DOCK10: variants seen among roughly 807,000 people sequenced by gnomAD.
The protein encoded by DOCK10 is dedicator of cytokinesis 10.
A neutral mutation model predicts 280.1 loss-of-function variants in DOCK10; 145 were observed. The ratio of observed to expected loss-of-function variants is 0.52; its 90% CI spans 0.45 to 0.59. The LOEUF is 0.59. DOCK10 is among the 20% of genes least tolerant of loss of function. DOCK10 has a pLI of 0.00. For missense variants in DOCK10, 2,368 were observed against 2,651.7 expected, an observed-to-expected ratio of 0.89 and a Z score of 2.35; for synonymous variants, 915 against 942.2, an observed-to-expected ratio of 0.97 and a Z score of 0.53.
intron 4 of DOCK10, among the ~76,000 whole-genome samples, chr2:224,892,271 C>T (rs921237600): frequency 2.6e-5 from 4 of 151,502 alleles, no homozygotes; most frequent in South Asian, 2.1e-4. Flanking sequence ...TGGTGGCCTA[C>T]ACCTGTAATC....
chr2:224,819,122 G>C (rs146851861), intron 29 of DOCK10, among the ~76,000 whole-genome samples: 76 of 152,296 alleles, frequency 5.0e-4, no homozygotes, highest in Non-Finnish European at 8.7e-4. Context: ...GGTTTCCAGG[G>C]AAGTAGGACT....
intron 11 of DOCK10, among the ~76,000 whole-genome samples, chr2:224,871,780 C>T (rs146990259): frequency 1.1e-3 from 172 of 152,306 alleles, no homozygotes; most frequent in African/African-American, 3.6e-3. Context: ...GCCGAGAGGG[C>T]CTTCCATGAC....
chr2:225,022,143 A>AAACACAC (rs1476961915), intron 1 of DOCK10, among the ~76,000 whole-genome samples: 1 of 152,242 alleles, frequency 6.6e-6, no homozygotes, highest in Non-Finnish European at 1.5e-5. Context: ...ATACACACAC[A>AAACACAC]AACACACAGT....
intron 1 of DOCK10, among the ~76,000 whole-genome samples, chr2:224,965,478 T>A (rs544040119): frequency 1.3e-5 from 2 of 152,318 alleles, no homozygotes; most frequent in African/African-American, 4.8e-5. Flanking sequence ...CCTTCTTGGG[T>A]GGATTCTTGT....
At chr2:225,001,005 T>C (rs749088880) in intron 1 of DOCK10, among the ~76,000 whole-genome samples, 11 of 152,154 alleles carry the variant, frequency 7.2e-5, no homozygotes, top group Non-Finnish European at 1.6e-4. Context: ...CTAGAAGCTA[T>C]TGTGTTAATC....
Position 224,896,479 on chromosome 2 carries a change from C to T in DOCK10, c.334-102G>A, listed in dbSNP as rs544664134. The T allele has an allele frequency of 1.3e-4, 84 of 646,982 alleles. 1 individual carries two copies. Among genetic ancestry groups the T allele is most frequent in the Middle Eastern group, 4.2e-4 (1 of 2,376 alleles). 40.1% of individuals were successfully genotyped at this position (646,982 alleles called of 1,614,324 possible). On this transcript the variant is annotated intron_variant, in intron 3 of 55. Transcript: ENST00000258390. Reference sequence around the variant, plus strand: ...ATCCCAGCACTTTGAGAGTCTGAGGCGGGTAGATCACCTGAGATCAGGAGT... The same window carrying T: ...ATCCCAGCACTTTGAGAGTCTGAGGTGGGTAGATCACCTGAGATCAGGAGT...
At chr2:224,978,285 T>A (rs1217437011) in intron 1 of DOCK10, among the ~76,000 whole-genome samples, 1 of 151,882 alleles carries the variant, frequency 6.6e-6, no homozygotes, top group African/African-American at 2.4e-5. Flanking sequence ...ATACAAAAAA[T>A]TAGCAGATGT....
intron 4 of DOCK10, among the ~76,000 whole-genome samples, chr2:224,888,709 AAT>A (rs1699472688): frequency 6.6e-6 from 1 of 151,302 alleles, no homozygotes; most frequent in African/African-American, 2.4e-5. Flanking sequence ...ATGTGGTGTG[AAT>A]ATGTGTATGT....
At chr2:224,959,156 G>T (rs1369450779) in intron 1 of DOCK10, among the ~76,000 whole-genome samples, 1 of 152,186 alleles carries the variant, frequency 6.6e-6, no homozygotes, top group Non-Finnish European at 1.5e-5. Context: ...AGACTGCCAT[G>T]ATAAGCCATT....
intron 25 of DOCK10, among the ~76,000 whole-genome samples, chr2:224,835,563 A>G (rs1399888034): frequency 6.6e-6 from 1 of 152,250 alleles, no homozygotes; most frequent in Non-Finnish European, 1.5e-5. Context: ...TTTGGAGGAC[A>G]TTCAAGCACG....
At chr2:225,038,009 A>C (rs1208801292) in intron 1 of DOCK10, among the ~76,000 whole-genome samples, 1 of 152,216 alleles carries the variant, frequency 6.6e-6, no homozygotes, top group Non-Finnish European at 1.5e-5. Context: ...CTTTCCTCAT[A>C]TGAAAACATA....
chr2:225,032,916 T>C (rs1181428304), intron 1 of DOCK10, among the ~76,000 whole-genome samples: 1 of 152,204 alleles, frequency 6.6e-6, no homozygotes, highest in African/African-American at 2.4e-5. Context: ...CCTCAATTAG[T>C]CATTTAAATT....
intron 48 of DOCK10, among the ~76,000 whole-genome samples, chr2:224,787,661 G>A (rs1367578368): frequency 6.6e-6 from 1 of 152,036 alleles, no homozygotes; most frequent in Non-Finnish European, 1.5e-5. Flanking sequence ...TACTGACTTC[G>A]TACTCCCTGA....
chr2:224,974,633 T>C (rs915086448), intron 1 of DOCK10, among the ~76,000 whole-genome samples: 1 of 151,370 alleles, frequency 6.6e-6, no homozygotes, highest in Non-Finnish European at 1.5e-5. Flanking sequence ...GATTATGTTT[T>C]AAAAATTAAC....
intron 11 of DOCK10, among the ~76,000 whole-genome samples, chr2:224,865,359 T>C (rs1697835546): frequency 6.6e-6 from 1 of 152,200 alleles, no homozygotes; most frequent in Non-Finnish European, 1.5e-5. Context: ...GTTATTTCCC[T>C]TACAGTCTTA....
At position 224,804,125 on chromosome 2, in the gene DOCK10, G is replaced by C. The variant is rs754010723; in HGVS notation, c.4255C>G (p.Leu1419Val). The change falls in exon 39 of 56, where the codon CTC (leucine) becomes GTC (valine). Residue 1419 changes from leucine to valine, a missense_variant. Leu to Val is a conservative substitution (Grantham distance 32). Transcript: ENST00000258390. ...GSNPSCQTSG[L>V]LSQWMHSTSS... ...ATGTGACATTACCATTGTGACAAGAGACCTGATGTCTGGCAGGAAGGATTG... is the reference window on the plus strand; with the variant it reads ...ATGTGACATTACCATTGTGACAAGACACCTGATGTCTGGCAGGAAGGATTG... The C allele has an allele frequency of 2.5e-6, 4 of 1,608,048 alleles. No homozygotes were observed. The East Asian group carries it at 6.7e-5, about 27-fold the overall frequency.
intron 52 of DOCK10, among the ~76,000 whole-genome samples, chr2:224,774,656 C>G (rs1690701086): frequency 6.6e-6 from 1 of 152,210 alleles, no homozygotes; most frequent in South Asian, 2.1e-4. Flanking sequence ...ACCCCATCAC[C>G]CTTCACACTT....
intron 2 of DOCK10, among the ~76,000 whole-genome samples, chr2:224,927,916 TG>T (rs1377695358): frequency 6.9e-6 from 1 of 145,480 alleles, no homozygotes; most frequent in Non-Finnish European, 1.5e-5. Flanking sequence ...CATTTAGAGG[TG>T]GGGGTGGGAA....
chr2:225,038,656 A>G (rs1690331705), intron 1 of DOCK10, among the ~76,000 whole-genome samples: 1 of 152,316 alleles, frequency 6.6e-6, no homozygotes, highest in East Asian at 1.9e-4. Context: ...AAAATTAGAT[A>G]CAATTAAAAA....
Sources: gnomAD v4.1 joint callset for allele counts (sites outside exome capture counted in the v4.1 genomes callset) on GRCh38, gnomAD v4.1.1 for gene constraint, MANE v1.5 for transcripts, NCBI Gene and HGNC (gene_info 2026-07-23, HGNC 2026-07-21) for gene names.